SPG11: variants seen among roughly 807,000 people sequenced by gnomAD.
SPG11 encodes the protein SPG11 vesicle trafficking associated, spatacsin, also known as spatacsin.
A neutral mutation model predicts 274.0 loss-of-function variants in SPG11; 222 were observed. That is an observed-to-expected ratio of 0.81 (90% CI 0.73 to 0.91). The LOEUF is 0.91. Ranked by LOEUF, SPG11 falls within the 40% of genes least tolerant of loss-of-function variation. The pLI is 0.00. For missense variants in SPG11, 3,114 were observed against 2,872.7 expected (o/e 1.08, Z -1.92); for synonymous variants, 1,144 against 1,039.7 (o/e 1.10, Z -1.93).
intron 36 of SPG11, among the ~76,000 whole-genome samples, chr15:44,566,786 G>A (rs2140915440): frequency 6.6e-6 from 1 of 152,186 alleles, no homozygotes; most frequent in East Asian, 1.9e-4. Flanking sequence ...TGCAACCTCC[G>A]CCTCCCGGGT....
chr15:44,600,028 G>A (rs558571898), intron 21 of SPG11, among the ~76,000 whole-genome samples: 10 of 152,080 alleles, frequency 6.6e-5, no homozygotes, highest in African/African-American at 2.4e-4. Context: ...CTCTTTAACT[G>A]CTAATATTTG....
At chr15:44,608,329 T>C (rs2083374576) in intron 19 of SPG11, 115 bp downstream of exon 19, 2 of 1,133,084 alleles carry the variant, frequency 1.8e-6, no homozygotes, top group Non-Finnish European at 2.6e-6. Flanking sequence ...TCTGCTATCA[T>C]GCTGTGTAAG....
rs35831490 is a variant in SPG11 at position 44,611,091 on chromosome 15, TAAAAAAAAAAAAAA to T, written c.3146-120_3146-107del. ...CATAAATTTTTAACTCTATCCCCAG[TAAAAAAAAAAAAAA>T]AAAAAAAAAAAGGACTTCCTAAATT... On this transcript the variant is annotated intron_variant, in intron 17 of 39. Transcript: ENST00000261866. 4.1e-3 allele frequency: 289 copies of T among 70,096 alleles called. 36 individuals carry two copies. In the East Asian group the frequency reaches 0.09, roughly 22 times the overall value. The allele number at this position is 70,096 out of a possible 1,614,324, so 4.3% of individuals were successfully genotyped here. A position where few individuals can be genotyped will look rare whatever the true frequency, so the allele number is the denominator to read the frequency against.
chr15:44,662,689 A>G (rs1478219081), intron 1 of SPG11, among the ~76,000 whole-genome samples: 1 of 151,568 alleles, frequency 6.6e-6, no homozygotes, highest in Admixed American at 6.6e-5. Context: ...CAGCCCACTC[A>G]AAACACTAAG....
In SPG11 at chr15:44,569,460, T is replaced by A; in HGVS notation, c.6523A>T (p.Ile2175Leu). ...GIGRYNEMTY[I>L]FDLLHKKHYF... Reference sequence around the variant, plus strand: ...TGCTTTTTATGCAGCAAATCAAATATGTATGTCATCTCGTTGTACCTTCCA... The same window carrying A: ...TGCTTTTTATGCAGCAAATCAAATAAGTATGTCATCTCGTTGTACCTTCCA... Residue 2175 changes from isoleucine (I) to leucine (L), a missense_variant, in exon 35 of 40, where the codon ATA becomes TTA. Coordinates refer to ENST00000261866, the MANE Select transcript of SPG11 (RefSeq NM_025137.4). 6.2e-7 allele frequency: 1 copy of A among 1,606,044 alleles called. No homozygotes were observed. Among genetic ancestry groups the A allele is most frequent in the Admixed American group, 1.7e-5 (1 of 58,964 alleles).
chr15:44,654,527 C>G (rs1021712799), intron 4 of SPG11, among the ~76,000 whole-genome samples: 1 of 151,014 alleles, frequency 6.6e-6, no homozygotes, highest in African/African-American at 2.4e-5. Context: ...AAAAAAGAAA[C>G]CCACAAACTT....
In SPG11 at chr15:44,584,260, G is replaced by C. The variant is rs1000982602; in HGVS notation, c.5420C>G (p.Thr1807Ser). The stretch of plus-strand genomic sequence containing the variant: ...CTGATTTCTTCCAAGAGTGTGCTGG[G>C]TGATGCGGCACAGCCAGATCTGCTT... ...LEKQIWLCRI[T>S]QHTLGRNQEE... Residue 1807 changes from threonine (T) to serine (S), a missense_variant, in exon 30 of 40, where the codon ACC becomes AGC. Transcript: ENST00000261866. 1 of 1,614,108 alleles carries C rather than the reference G, an allele frequency of 6.2e-7. No homozygotes were observed. The highest frequency in any genetic ancestry group is 1.1e-5 in the South Asian group (1 of 91,088).
chr15:44,649,059 G>A (rs1215202459), intron 6 of SPG11, 48 bp from the exon 7 acceptor site: 3 of 1,484,900 alleles, frequency 2.0e-6, no homozygotes, highest in African/African-American at 1.4e-5. Context: ...TTAGATTTTA[G>A]GATTATGATT....
intron 1 of SPG11, 32 bp downstream of exon 1, chr15:44,663,359 C>A: frequency 6.3e-7 from 1 of 1,597,592 alleles, no homozygotes; most frequent in African/African-American, 1.3e-5. Flanking sequence ...CTCTGGACTC[C>A]CCCAACGGCC....
chr15:44,584,932 T>TA (rs1343573240), intron 29 of SPG11, among the ~76,000 whole-genome samples: 12 of 152,192 alleles, frequency 7.9e-5, no homozygotes, highest in African/African-American at 2.9e-4. Context: ...CCTGGCCTTA[T>TA]CATACTTGTT....
At chr15:44,619,122 AG>A (rs1297826812) in intron 15 of SPG11, among the ~76,000 whole-genome samples, 1 of 152,234 alleles carries the variant, frequency 6.6e-6, no homozygotes, top group Admixed American at 6.5e-5. Context: ...ATAGAAAATC[AG>A]GGCTAAGGGA....
At position 44,660,922 on chromosome 15, in the gene SPG11, C is replaced by T. The variant is rs1186208329; in HGVS notation, c.258-306G>A. ...CAACTAGTATGTTTAAACAAACTGT[C>T]ATGATCAAGGGTAGGTATCAACAAC... On this transcript the variant is annotated intron_variant, in intron 1 of 39. Transcript: ENST00000261866. Among the ~76,000 whole-genome samples the T allele has an allele frequency of 1.3e-5, 2 of 152,058 alleles. 1 individual carries two copies. The highest frequency in any genetic ancestry group is 1.3e-4 in the Admixed American group (2 of 15,268).
At chr15:44,568,462 A>G (rs1414135269) in intron 35 of SPG11, among the ~76,000 whole-genome samples, 1 of 152,180 alleles carries the variant, frequency 6.6e-6, no homozygotes, top group East Asian at 1.9e-4. Context: ...CCATGTTCCC[A>G]GAAGCCAAAG....
chr15:44,657,241 G>A lies in SPG11; in HGVS notation c.723C>T (p.His241=). Residue 241 remains histidine (H), a synonymous_variant, in exon 4 of 40, where the codon CAC becomes CAT. Coordinates refer to ENST00000261866, the MANE Select transcript of SPG11 (RefSeq NM_025137.4). ...TYVAHVDLAL[H]KEDMCNEQQQ... is the part of the protein sequence containing the mutation. ...GCTGCTCATTACACATGTCTTCTTT[G>A]TGAAGTGCTAAATCCACATGAGCTA... 2 of 1,614,182 alleles carry A rather than the reference G, an allele frequency of 1.2e-6. No individual in the cohort carries two copies. Among genetic ancestry groups the A allele is most frequent in the Non-Finnish European group, 8.5e-7 (1 of 1,180,034 alleles).
chr15:44,572,140 T>C (rs113956876), intron 33 of SPG11, among the ~76,000 whole-genome samples: 7 of 152,332 alleles, frequency 4.6e-5, no homozygotes, highest in African/African-American at 1.4e-4. Flanking sequence ...GTGTAACCAT[T>C]AGAAGTTATA....
chr15:44,633,816 C>T (rs1396356493), intron 7 of SPG11, among the ~76,000 whole-genome samples, 179 bp from the exon 8 acceptor site: 3 of 151,270 alleles, frequency 2.0e-5, no homozygotes, highest in Non-Finnish European at 4.4e-5. Context: ...CAATCTGGGG[C>T]AAGACTCTGT....
chr15:44,575,378 T>A, intron 30 of SPG11: 1 of 254,236 alleles, frequency 3.9e-6, no homozygotes, highest in Non-Finnish European at 7.9e-6. Context: ...GCTGACTATC[T>A]CCATAACATC....
chr15:44,578,869 G>C (rs1016053465), intron 30 of SPG11, among the ~76,000 whole-genome samples: 1 of 152,176 alleles, frequency 6.6e-6, no homozygotes, highest in Non-Finnish European at 1.5e-5. Flanking sequence ...AAAATGTCCA[G>C]ATGCAGCCAG....
intron 32 of SPG11, 101 bp from the exon 33 acceptor site, chr15:44,572,921 C>T (rs896874534): frequency 2.5e-6 from 3 of 1,195,972 alleles, no homozygotes; most frequent in Non-Finnish European, 3.7e-6. Context: ...AGCTCTGCAG[C>T]TCTCCGCTTG....
Sources: allele counts gnomAD v4.1 joint callset (sites outside exome capture counted in the v4.1 genomes callset), GRCh38; gene constraint gnomAD v4.1.1; transcripts MANE v1.5; gene names NCBI Gene and HGNC (gene_info 2026-07-23, HGNC 2026-07-21).